The following ITPR3 variants were observed in gnomAD, a reference collection of about 807,000 sequenced individuals.
ITPR3 encodes the protein inositol 1,4,5-trisphosphate-gated calcium channel ITPR3.
ITPR3 carries 173 observed loss-of-function variants against 293.2 expected under a neutral mutation model. The observed-to-expected ratio is 0.59, with a 90% CI of 0.52 to 0.67. The LOEUF is 0.67. Among genes scored for constraint, ITPR3 ranks in the 30% least tolerant of loss-of-function variants. ITPR3 has a pLI of 0.00. For missense variants in ITPR3, 2,796 were observed against 3,592.1 expected, an observed-to-expected ratio of 0.78 and a Z score of 5.66; for synonymous variants, 1,295 against 1,444.4, an observed-to-expected ratio of 0.90 and a Z score of 2.35.
chr6:33,670,862 T>A lies in ITPR3; in HGVS notation c.2586+47T>A. On this transcript the variant is annotated intron_variant, in intron 20 of 57. Coordinates refer to ENST00000605930, the MANE Select transcript of ITPR3 (RefSeq NM_002224.4). This position sits in a 1 kb window ranked among gnomAD's most constrained non-coding sequence, Gnocchi z 6.7. ...GGCTGGGGGTCCGTGGAGCTCTTGT[T>A]GGCCCCACACTGGCCTCGGTCTTCA... 2 of 1,600,056 alleles carry A rather than the reference T, an allele frequency of 1.2e-6. No individual in the cohort carries two copies. Among genetic ancestry groups the A allele is most frequent in the Non-Finnish European group, 1.7e-6 (2 of 1,174,562 alleles).
At chr6:33,678,592 T>TGGGGGTGGGGGGGGG in intron 29 of ITPR3, 47 bp from the exon 30 acceptor site, 1 of 896,314 alleles carries the variant, frequency 1.1e-6, no homozygotes. Context: ...GGATGGGGGG[T>TGGGGGTGGGGGGGGG]GGGGGCGGGG....
rs573862676 is a variant in ITPR3, at chr6:33,692,190, C to T, written c.7458+262C>T. On this transcript the variant is annotated intron_variant, in intron 54 of 57. Coordinates refer to ENST00000605930, the MANE Select transcript of ITPR3 (RefSeq NM_002224.4). This position sits in a 1 kb window ranked among gnomAD's most constrained non-coding sequence, Gnocchi z 4.2. ...CAGGGCTAGGGATGGTGACCACTGG[C>T]TTTCCTAGCCCACAGCAGGTGGGCA... Among the ~76,000 whole-genome samples the T allele has an allele frequency of 6.6e-6, 1 of 152,380 alleles. No individual in the cohort carries two copies. The highest frequency in any genetic ancestry group is 2.1e-4 in the South Asian group (1 of 4,832).
chr6:33,665,825 C>T lies in ITPR3; in HGVS notation c.1410-10C>T. 1.2e-6 allele frequency: 2 copies of T among 1,613,766 alleles called. No individual in the cohort carries two copies. Among genetic ancestry groups the T allele is most frequent in the Admixed American group, 1.7e-5 (1 of 60,010 alleles). On this transcript the variant is annotated splice_polypyrimidine_tract_variant and intron_variant, in intron 13 of 57. Coordinates refer to ENST00000605930, the MANE Select transcript of ITPR3 (RefSeq NM_002224.4). Reference sequence around the variant, plus strand: ...TCTCACACTCGTCATCCCCGGGTCCCCTCACCCAGGTTTGTCATCCAGCTG... The same window carrying T: ...TCTCACACTCGTCATCCCCGGGTCCTCTCACCCAGGTTTGTCATCCAGCTG...
At position 33,654,151 on chromosome 6, in the gene ITPR3, C is replaced by G. The variant is rs909337726; in HGVS notation, c.161-1615C>G. On this transcript the variant is annotated intron_variant, in intron 2 of 57. Coordinates refer to ENST00000605930, the MANE Select transcript of ITPR3 (RefSeq NM_002224.4). This position sits in a 1 kb window ranked among gnomAD's most constrained non-coding sequence, Gnocchi z 4.1. Reference sequence around the variant, plus strand: ...GGCATGGTGGTGCATGCCTGTAATCCCAGCTACTTGGGAGGCTGAGACAGG... The same window carrying G: ...GGCATGGTGGTGCATGCCTGTAATCGCAGCTACTTGGGAGGCTGAGACAGG... Among the ~76,000 whole-genome samples, 22 of 152,184 alleles carry G rather than the reference C, an allele frequency of 1.4e-4. No individual in the cohort carries two copies. The highest frequency in any genetic ancestry group is 1.1e-3 in the Admixed American group (17 of 15,280).
intron 2 of ITPR3, among the ~76,000 whole-genome samples, chr6:33,653,029 C>T (rs1764227872): frequency 6.6e-6 from 1 of 151,926 alleles, no homozygotes; most frequent in African/African-American, 2.4e-5. Context: ...TGCCTTAGTC[C>T]CCCAAGTAGC....
In ITPR3 at chr6:33,689,361, TCTA is replaced by T; in HGVS notation, c.6822_6824del (p.Tyr2275del). 9 of 1,612,258 alleles carry T rather than the reference TCTA, an allele frequency of 5.6e-6. No individual in the cohort carries two copies. The highest frequency in any genetic ancestry group is 4.4e-5 in the South Asian group (4 of 91,084). ...ATCGTGGCGCTCATCCTGCGCTCCA[TCTA>T]CTATCTGGGCATCGGGCCCACACTC... is the stretch of plus-strand genomic sequence containing the variant. On this transcript the variant is annotated inframe_deletion, in exon 50 of 58. Transcript: ENST00000605930.
In ITPR3 at chr6:33,675,794, G is replaced by C; in HGVS notation, c.3220G>C (p.Ala1074Pro). The stretch of plus-strand genomic sequence containing the variant: ...CGACTATGCGCCGCTGGTCTCGGGT[G>C]CCCTGCAGCTGCTCTTCAAGCACTT... The part of the protein sequence containing the change: ...MHDYAPLVSG[A>P]LQLLFKHFSQ... Residue 1074 changes from alanine (A) to proline (P), a missense_variant, in exon 25 of 58, where the codon GCC (alanine) becomes CCC (proline). Coordinates refer to ENST00000605930, the MANE Select transcript of ITPR3 (RefSeq NM_002224.4). The surrounding 1 kb of genome is among the most constrained non-coding windows in gnomAD (Gnocchi z 5.0). 1 of 1,607,284 alleles carries C rather than the reference G, an allele frequency of 6.2e-7. No homozygotes were observed. Among genetic ancestry groups the C allele is most frequent in the East Asian group, 2.2e-5 (1 of 44,486 alleles).
In ITPR3 at chr6:33,683,259, G is replaced by T; in HGVS notation, c.4650G>T (p.Ser1550=). 6.4e-7 allele frequency: 1 copy of T among 1,566,998 alleles called. No individual in the cohort carries two copies. Among genetic ancestry groups the T allele is most frequent in the Non-Finnish European group, 8.7e-7 (1 of 1,155,572 alleles). Residue 1550 remains serine (S), a synonymous_variant, in exon 35 of 58, where the codon TCG becomes TCT. Transcript: ENST00000605930. This position sits in a 1 kb window ranked among gnomAD's most constrained non-coding sequence, Gnocchi z 4.5. ...LPMDLDAHIS[S]MLSSGASCAA... ...TGGACCTGGATGCCCACATCAGCTC[G>T]ATGCTCAGCAGTGGAGCCAGCTGTG...
rs181290069 is a variant in ITPR3, at chr6:33,671,145, C to A, written c.2587-20C>A. 1,278 of 1,612,304 alleles carry A rather than the reference C, an allele frequency of 7.9e-4. 4 individuals carry two copies. The African/African-American group carries it at 9.2e-3, about 12-fold the overall frequency. ...CGCGCCGGCCCCTCCCACCTCACCT[C>A]GGCCACGCCCCCTTCGCAGGTGGTC... is the stretch of plus-strand genomic sequence containing the variant. On this transcript the variant is annotated intron_variant, in intron 20 of 57. Transcript: ENST00000605930.
intron 9 of ITPR3, among the ~76,000 whole-genome samples, 172 bp downstream of exon 9, chr6:33,663,178 C>G (rs566313171): frequency 6.6e-6 from 1 of 152,336 alleles, no homozygotes; most frequent in South Asian, 2.1e-4. Flanking sequence ...TGTAAATAAG[C>G]CTAATAAATA....
chr6:33,659,504 C>T lies in ITPR3; in HGVS notation c.666C>T (p.Asn222=). Reference sequence around the variant, plus strand: ...ACTGCAACACCAGCTGGAAGATCAACCTGTTTATGCAGTTTCGGGACCACC... The same window carrying T: ...ACTGCAACACCAGCTGGAAGATCAATCTGTTTATGCAGTTTCGGGACCACC... ...SVNCNTSWKI[N]LFMQFRDHLE... Residue 222 remains asparagine (N), a synonymous_variant, in exon 7 of 58, where the codon AAC becomes AAT. Transcript: ENST00000605930. 6.2e-7 allele frequency: 1 copy of T among 1,614,162 alleles called. No individual in the cohort carries two copies. Among genetic ancestry groups the T allele is most frequent in the Non-Finnish European group, 8.5e-7 (1 of 1,180,014 alleles).
In ITPR3 at chr6:33,663,822, G is replaced by A. The variant is rs749099428; in HGVS notation, c.1090G>A (p.Ala364Thr). The A allele has an allele frequency of 1.1e-5, 18 of 1,614,010 alleles. No individual in the cohort carries two copies. The highest frequency in any genetic ancestry group is 1.1e-4 in the South Asian group (10 of 91,080). The part of the protein sequence containing the change: ...LVAVPHGNDI[A>T]SLFELDPTTL... ...GGCTGTGCCTCATGGCAATGACATC[G>A]CCTCTCTCTTTGAGCTGGACCCCAC... The change falls in exon 11 of 58, where the codon GCC (alanine) becomes ACC (threonine). Residue 364 changes from alanine to threonine, a missense_variant. Transcript: ENST00000605930.
intron 2 of ITPR3, among the ~76,000 whole-genome samples, chr6:33,643,106 GT>G (rs1384470684): frequency 6.6e-6 from 1 of 152,230 alleles, no homozygotes; most frequent in Non-Finnish European, 1.5e-5. Context: ...GGCTTTCACT[GT>G]TTCCACTGGC....
In ITPR3 at chr6:33,687,405, C is replaced by T. The variant is rs1035163618; in HGVS notation, c.6178-73C>T. 42 of 1,489,328 alleles carry T rather than the reference C, an allele frequency of 2.8e-5. No homozygotes were observed. The African/African-American group carries it at 4.0e-4, about 14-fold the overall frequency. The allele number at this position is 1,489,328 out of a possible 1,614,324, so 92.3% of individuals were successfully genotyped here. Reference sequence around the variant, plus strand: ...GCCCCAGCTGCCATCATCCCCCAGTCGCCATTGTCGCCCCCCAGCCACCAT... The same window carrying T: ...GCCCCAGCTGCCATCATCCCCCAGTTGCCATTGTCGCCCCCCAGCCACCAT... On this transcript the variant is annotated intron_variant, in intron 45 of 57. Transcript: ENST00000605930. The surrounding 1 kb of genome is among the most constrained non-coding windows in gnomAD (Gnocchi z 5.3).
At position 33,638,281 on chromosome 6, in the gene ITPR3, G is replaced by A. The variant is rs2151287983; in HGVS notation, c.90-2203G>A. Among the ~76,000 whole-genome samples, 1 of 152,298 alleles carries A rather than the reference G, an allele frequency of 6.6e-6. No homozygotes were observed. The highest frequency in any genetic ancestry group is 1.9e-4 in the East Asian group (1 of 5,184). On this transcript the variant is annotated intron_variant, in intron 1 of 57. Transcript: ENST00000605930. This position sits in a 1 kb window ranked among gnomAD's most constrained non-coding sequence, Gnocchi z 4.3. ...AGCCTCCCAAAGTGCAGGGATTACA[G>A]GCATGAGCCACCGCGTCCATCCACA...
At chr6:33,639,930 G>A (rs1034971218) in intron 1 of ITPR3, among the ~76,000 whole-genome samples, 1 of 152,142 alleles carries the variant, frequency 6.6e-6, no homozygotes, top group African/African-American at 2.4e-5. Context: ...GGGAAGGGGT[G>A]AGAATCATCA....
chr6:33,695,940 T>C lies in ITPR3; in HGVS notation c.*160T>C. ...ACACCCACCCAGGCTTTGAAGAGCA[T>C]GGAGGGGGAGCCTCAGAGCTGACAG... On this transcript the variant is annotated 3_prime_UTR_variant, in exon 58 of 58. Transcript: ENST00000605930. 1 of 645,336 alleles carries C rather than the reference T, an allele frequency of 1.5e-6. No individual in the cohort carries two copies. The highest frequency in any genetic ancestry group is 2.6e-5 in the Admixed American group (1 of 38,640). The allele number at this position is 645,336 out of a possible 1,614,324, so 40.0% of individuals were successfully genotyped here.
rs1255158978 is a variant in ITPR3, at chr6:33,677,101, A to T, written c.3522+12A>T. 3 of 1,612,764 alleles carry T rather than the reference A, an allele frequency of 1.9e-6. No homozygotes were observed. Among genetic ancestry groups the T allele is most frequent in the Non-Finnish European group, 2.5e-6 (3 of 1,179,034 alleles). ...AGATCGTCAAGGGCGTGAGTGGCCA[A>T]GGGTCCTCGGGGTAGGGATCTGCAG... On this transcript the variant is annotated intron_variant, in intron 27 of 57. Coordinates refer to ENST00000605930, the MANE Select transcript of ITPR3 (RefSeq NM_002224.4).
intron 48 of ITPR3, 70 bp from the exon 49 acceptor site, chr6:33,688,586 G>A (rs1001658431): frequency 6.3e-7 from 1 of 1,595,868 alleles, no homozygotes; most frequent in African/African-American, 1.3e-5. Flanking sequence ...CCTGAGCGGG[G>A]CCCCACATGC....
Sources: allele counts gnomAD v4.1 joint callset (sites outside exome capture counted in the v4.1 genomes callset), GRCh38; gene constraint gnomAD v4.1.1; non-coding constraint Gnocchi (gnomAD v3.1); transcripts MANE v1.5; gene names NCBI Gene and HGNC (gene_info 2026-07-23, HGNC 2026-07-21).